The following LPIN1 variants were observed in gnomAD, a reference collection of about 807,000 sequenced individuals.
LPIN1 encodes the protein lipin 1, also known as phosphatidate phosphatase LPIN1.
LPIN1 carries 71 observed loss-of-function variants against 107.5 expected under a neutral mutation model. That is an observed-to-expected ratio of 0.66 (90% CI 0.55 to 0.80). The LOEUF is 0.80. Ranked by LOEUF, LPIN1 falls within the 30% of genes least tolerant of loss-of-function variation. The pLI is 0.00. For synonymous variants in LPIN1, 445 were observed against 452.6 expected, an observed-to-expected ratio of 0.98 and a Z score of 0.21; for missense variants, 1,043 against 1,160.6, an observed-to-expected ratio of 0.90 and a Z score of 1.47.
chr2:11,726,960 G>A (rs1664726453), intron 1 of LPIN1, among the ~76,000 whole-genome samples: 1 of 152,194 alleles, frequency 6.6e-6, no homozygotes, highest in Admixed American at 6.5e-5. Flanking sequence ...AGGCCACAAA[G>A]GAACGTGCCC....
At chr2:11,824,131 T>A (rs1004274945) in intron 20 of LPIN1, among the ~76,000 whole-genome samples, 1 of 152,078 alleles carries the variant, frequency 6.6e-6, no homozygotes, top group African/African-American at 2.4e-5. Context: ...CTTAGAGAGG[T>A]TACGCCATTT....
intron 1 of LPIN1, among the ~76,000 whole-genome samples, chr2:11,760,108 C>T (rs1357313000): frequency 7.9e-5 from 12 of 152,084 alleles, no homozygotes; most frequent in Non-Finnish European, 1.3e-4. Context: ...GCGCTCCCCA[C>T]ATCTCAGACG....
intron 1 of LPIN1, among the ~76,000 whole-genome samples, chr2:11,733,537 G>A (rs1163732672): frequency 6.6e-6 from 1 of 150,550 alleles, no homozygotes; most frequent in Non-Finnish European, 1.5e-5. Context: ...TTTTGCCCAG[G>A]CTGGAGTGCA....
chr2:11,819,308 G>T (rs1681131361), intron 18 of LPIN1, 176 bp from the exon 19 acceptor site: 1 of 598,770 alleles, frequency 1.7e-6, no homozygotes. Flanking sequence ...AGACTTGAAA[G>T]TACGGGTTTA....
At chr2:11,693,274 T>C (rs1254872838) in intron 1 of LPIN1, among the ~76,000 whole-genome samples, 2 of 150,718 alleles carry the variant, frequency 1.3e-5, no homozygotes. Flanking sequence ...GCCTTGGGCA[T>C]GTTTAGCAAA....
intron 1 of LPIN1, chr2:11,764,293 T>G (rs1487735844): frequency 6.6e-6 from 1 of 151,924 alleles, no homozygotes; most frequent in Non-Finnish European, 1.5e-5. Flanking sequence ...ACTACAGGTA[T>G]GTACCACCAC....
At chr2:11,819,370 A>T in intron 18 of LPIN1, 114 bp from the exon 19 acceptor site, 1 of 762,472 alleles carries the variant, frequency 1.3e-6, no homozygotes, top group Non-Finnish European at 2.4e-6. Flanking sequence ...CACACACTAA[A>T]CTTTTGAAGA....
intron 1 of LPIN1, among the ~76,000 whole-genome samples, chr2:11,688,661 A>G (rs537457028): frequency 1.3e-5 from 2 of 152,276 alleles, no homozygotes; most frequent in Non-Finnish European, 2.9e-5. Context: ...GCCCCTCGCC[A>G]CAGGGGAGTG....
At chr2:11,776,654 C>G (rs1374684762) in intron 6 of LPIN1, among the ~76,000 whole-genome samples, 2 of 152,138 alleles carry the variant, frequency 1.3e-5, no homozygotes, top group Non-Finnish European at 2.9e-5. Context: ...GTTTATTGGG[C>G]TGTCTGAATA....
At chr2:11,754,188 G>C (rs1471157332) in intron 1 of LPIN1, among the ~76,000 whole-genome samples, 1 of 152,178 alleles carries the variant, frequency 6.6e-6, no homozygotes, top group Non-Finnish European at 1.5e-5. Context: ...TCTGAGAGCT[G>C]TAATTTCCTG....
intron 1 of LPIN1, among the ~76,000 whole-genome samples, chr2:11,679,931 C>T (rs547320160): frequency 6.6e-6 from 1 of 152,312 alleles, no homozygotes; most frequent in Admixed American, 6.5e-5. Flanking sequence ...ATCTGGCCTG[C>T]TTGCTGAAGG....
chr2:11,757,516 T>A (rs568324072), intron 1 of LPIN1, among the ~76,000 whole-genome samples: 1 of 152,326 alleles, frequency 6.6e-6, no homozygotes, highest in South Asian at 2.1e-4. Flanking sequence ...TATTCTTGTA[T>A]TCTTTAAACA....
chr2:11,808,895 G>A (rs958867153), intron 17 of LPIN1, among the ~76,000 whole-genome samples: 1 of 150,876 alleles, frequency 6.6e-6, no homozygotes, highest in African/African-American at 2.4e-5. Flanking sequence ...AAGAGAGAGC[G>A]AGAGAGAGAG....
At chr2:11,777,882 C>T (rs772228593) in intron 6 of LPIN1, among the ~76,000 whole-genome samples, 63 of 152,158 alleles carry the variant, frequency 4.1e-4, no homozygotes, top group Non-Finnish European at 8.1e-4. Flanking sequence ...GGAACAGCAC[C>T]GTTGAGGGTG....
chr2:11,691,793 G>T (rs1250754893), intron 1 of LPIN1, among the ~76,000 whole-genome samples: 1 of 152,232 alleles, frequency 6.6e-6, no homozygotes, highest in Non-Finnish European at 1.5e-5. Context: ...GGCATGAGAA[G>T]CCTCCATCCA....
chr2:11,761,995 A>C (rs1246843750), intron 1 of LPIN1, among the ~76,000 whole-genome samples: 2 of 151,958 alleles, frequency 1.3e-5, no homozygotes, highest in Non-Finnish European at 2.9e-5. Context: ...CAGATTCCAC[A>C]GGTTAAGGGC....
At chr2:11,764,853 G>A (rs1324101132) in intron 1 of LPIN1, among the ~76,000 whole-genome samples, 1 of 152,212 alleles carries the variant, frequency 6.6e-6, no homozygotes, top group Non-Finnish European at 1.5e-5. Flanking sequence ...CAGAAGAAGG[G>A]GCAGGTGGCA....
intron 1 of LPIN1, among the ~76,000 whole-genome samples, chr2:11,756,598 T>C (rs1321210514): frequency 1.3e-5 from 2 of 152,154 alleles, no homozygotes; most frequent in South Asian, 2.1e-4. Flanking sequence ...AGCCTGACCA[T>C]GTTGGCCAGG....
intron 14 of LPIN1, 49 bp downstream of exon 14, chr2:11,795,536 A>C: frequency 6.6e-7 from 1 of 1,512,782 alleles, no homozygotes; most frequent in Non-Finnish European, 9.2e-7. Context: ...TCCGCATCCA[A>C]GTTCATGGCG....
Sources: gnomAD v4.1 joint callset for allele counts (sites outside exome capture counted in the v4.1 genomes callset) on GRCh38, gnomAD v4.1.1 for gene constraint, MANE v1.5 for transcripts, NCBI Gene and HGNC (gene_info 2026-07-23, HGNC 2026-07-21) for gene names.